NCAM1: variants seen among roughly 807,000 people sequenced by gnomAD.
NCAM1 encodes the protein antigen recognized by monoclonal antibody 5.1H11.
A neutral mutation model predicts 109.8 loss-of-function variants in NCAM1; 14 were observed. That is an observed-to-expected ratio of 0.13 (90% CI 0.08 to 0.20). The LOEUF (loss-of-function observed/expected upper bound fraction) is 0.20, where lower values mean the gene tolerates loss of function less well. NCAM1 is among the 10% of genes least tolerant of loss of function. The pLI is 1.00. For synonymous variants in NCAM1, 418 were observed against 442.9 expected (o/e 0.94, Z 0.70); for missense variants, 774 against 1,109.9 (o/e 0.70, Z 4.30).
chr11:113,017,401 C>G (rs1457935110), intron 1 of NCAM1, among the ~76,000 whole-genome samples: 1 of 152,190 alleles, frequency 6.6e-6, no homozygotes, highest in Non-Finnish European at 1.5e-5. Context: ...GATTCTCCTT[C>G]TCTTCAACCT....
chr11:113,127,349 C>G (rs1030326565), intron 1 of NCAM1, among the ~76,000 whole-genome samples: 1 of 152,164 alleles, frequency 6.6e-6, no homozygotes, highest in African/African-American at 2.4e-5. Context: ...CCACTCCTGC[C>G]TGCCATAGGG....
At chr11:113,243,124 G>A (rs1396157467) in intron 14 of NCAM1, among the ~76,000 whole-genome samples, 4 of 152,194 alleles carry the variant, frequency 2.6e-5, no homozygotes, top group Non-Finnish European at 2.9e-5. Context: ...AATAGCCAAG[G>A]ATTAGGCAAA....
chr11:113,180,130 G>T (rs1345446705), intron 1 of NCAM1, among the ~76,000 whole-genome samples: 1 of 152,146 alleles, frequency 6.6e-6, no homozygotes, highest in Non-Finnish European at 1.5e-5. Flanking sequence ...CGACTGACTG[G>T]CAGGCTCTGT....
chr11:113,052,190 T>G (rs1953527401), intron 1 of NCAM1, among the ~76,000 whole-genome samples: 1 of 152,212 alleles, frequency 6.6e-6, no homozygotes, highest in African/African-American at 2.4e-5. Flanking sequence ...GATGTGCTGG[T>G]GATACCTACC....
chr11:113,059,046 A>T (rs1953822753), intron 1 of NCAM1, among the ~76,000 whole-genome samples: 1 of 152,218 alleles, frequency 6.6e-6, no homozygotes, highest in East Asian at 1.9e-4. Context: ...AACTAGGAGA[A>T]TGGCTGGACG....
intron 1 of NCAM1, among the ~76,000 whole-genome samples, chr11:113,125,599 A>G (rs376025213): frequency 3.9e-5 from 6 of 152,194 alleles, no homozygotes; most frequent in Admixed American, 2.0e-4. Context: ...ATACTACATT[A>G]GTCTAGAAAC....
chr11:113,197,162 G>A, intron 1 of NCAM1: 1 of 231,102 alleles, frequency 4.3e-6, no homozygotes, highest in Non-Finnish European at 9.6e-6. Context: ...CTCCCACCAG[G>A]TCCCGTGCTT....
intron 1 of NCAM1, among the ~76,000 whole-genome samples, chr11:113,119,318 G>A (rs111852285): frequency 5.3e-4 from 81 of 152,284 alleles, no homozygotes; most frequent in African/African-American, 1.9e-3. Flanking sequence ...AACAATAGCC[G>A]ATGATATCCA....
At chr11:113,192,903 T>G (rs1223398129) in intron 1 of NCAM1, among the ~76,000 whole-genome samples, 5 of 152,178 alleles carry the variant, frequency 3.3e-5, no homozygotes. Flanking sequence ...TCCAACATAG[T>G]AGAAGATGGA....
chr11:113,256,380 C>T (rs1945834931), intron 16 of NCAM1, among the ~76,000 whole-genome samples: 2 of 152,222 alleles, frequency 1.3e-5, no homozygotes, highest in South Asian at 4.1e-4. Context: ...CAGGCACCTG[C>T]ACCTCACTGT....
At chr11:113,236,182 A>G in intron 14 of NCAM1, 3 of 984,568 alleles carry the variant, frequency 3.0e-6, no homozygotes, top group Non-Finnish European at 4.6e-6. Context: ...TGATAATTTG[A>G]GTTTCCAGCT....
At chr11:113,015,506 T>A (rs146589572) in intron 1 of NCAM1, among the ~76,000 whole-genome samples, 236 of 151,984 alleles carry the variant, frequency 1.6e-3, no homozygotes, top group African/African-American at 5.1e-3. Flanking sequence ...GAGGCCTAGG[T>A]GGGTGTGTCA....
At chr11:113,198,168 A>T (rs1191796966) in intron 1 of NCAM1, among the ~76,000 whole-genome samples, 1 of 152,170 alleles carries the variant, frequency 6.6e-6, no homozygotes, top group Non-Finnish European at 1.5e-5. Flanking sequence ...TCTGTGAACA[A>T]GGGATAGAAT....
rs1029365609 is a variant in NCAM1 at position 113,232,775 on chromosome 11, A to G, written c.1483A>G (p.Ile495Val). ...CTACAACTGTACTGCAGTGAACCGC[A>G]TTGGGCAGGAGTCCTTGGAATTCAT... is the stretch of plus-strand genomic sequence containing the variant. Reference protein sequence around the residue: ...GNYNCTAVNRIGQESLEFILV... With the variant: ...GNYNCTAVNRVGQESLEFILV... The change falls in exon 12 of 20, where the codon ATT becomes GTT. Residue 495 changes from isoleucine to valine, a missense_variant. Physicochemically the swap from Ile to Val is conservative, Grantham distance 29. This residue lies in a region of NCAM1 where 523 missense variants were observed against 784.2 expected (regional missense o/e 0.67). Coordinates refer to ENST00000316851, the MANE Select transcript of NCAM1 (RefSeq NM_181351.5). The G allele has an allele frequency of 1.9e-6, 3 of 1,613,844 alleles. No homozygotes were observed. The African/African-American group carries it at 4.0e-5, about 22-fold the overall frequency.
chr11:112,990,146 C>T (rs1466367684), intron 1 of NCAM1, among the ~76,000 whole-genome samples: 3 of 152,144 alleles, frequency 2.0e-5, no homozygotes, highest in African/African-American at 4.8e-5. Context: ...CTTTGGTCTA[C>T]AAGGCTAGTT....
chr11:113,016,683 C>G (rs1428859835), intron 1 of NCAM1, among the ~76,000 whole-genome samples: 2 of 152,204 alleles, frequency 1.3e-5, no homozygotes, highest in East Asian at 3.9e-4. Context: ...TACACACTAC[C>G]AGGTCACACA....
chr11:113,165,735 G>A (rs1465408100), intron 1 of NCAM1, among the ~76,000 whole-genome samples: 4 of 152,004 alleles, frequency 2.6e-5, no homozygotes, highest in African/African-American at 9.7e-5. Flanking sequence ...CTCAGCCCCA[G>A]TGTAGAGAAG....
At chr11:113,205,155 T>A (rs1944198421) in intron 3 of NCAM1, among the ~76,000 whole-genome samples, 1 of 152,226 alleles carries the variant, frequency 6.6e-6, no homozygotes, top group South Asian at 2.1e-4. Flanking sequence ...AAAGGACTGA[T>A]GATTCTTACT....
At chr11:112,977,554 C>A (rs1377021006) in intron 1 of NCAM1, 2 of 151,704 alleles carry the variant, frequency 1.3e-5, no homozygotes, top group Admixed American at 6.6e-5. Flanking sequence ...TGAGTCTTGT[C>A]CCATATAAAT....
Sources: allele counts gnomAD v4.1 joint callset (sites outside exome capture counted in the v4.1 genomes callset), GRCh38; gene constraint gnomAD v4.1.1; regional missense constraint gnomAD v4.1.1; transcripts MANE v1.5; gene names NCBI Gene and HGNC (gene_info 2026-07-23, HGNC 2026-07-21).